The following PCDHGA10 variants were observed in gnomAD, a reference collection of about 807,000 sequenced individuals.
PCDHGA10 encodes the protein protocadherin gamma-A10.
A neutral mutation model predicts 59.5 loss-of-function variants in PCDHGA10; 42 were observed. The ratio of observed to expected loss-of-function variants is 0.71; its 90% CI spans 0.55 to 0.91. The LOEUF (loss-of-function observed/expected upper bound fraction) is 0.91. Among genes scored for constraint, PCDHGA10 ranks in the 40% least tolerant of loss-of-function variants. The probability of loss-of-function intolerance (pLI) is 0.00; values close to 1 mark genes in which losing one functional copy is unlikely to be tolerated. For synonymous variants in PCDHGA10, 511 were observed against 517.2 expected (o/e 0.99, Z 0.16); for missense variants, 1,111 against 1,198.2 (o/e 0.93, Z 1.07).
In PCDHGA10 at chr5:141,415,432, T is replaced by G; in HGVS notation, c.2257T>G (p.Phe753Val). Residue 753 changes from phenylalanine (F) to valine (V), a missense_variant, in exon 1 of 4, where the codon TTC becomes GTC. Transcript: ENST00000398610. ...HFVGVDGVRA[F>V]LQTYSHEVSL... ...TGTGGGCGTGGACGGGGTTCGGGCT[T>G]TCCTGCAGACCTATTCCCACGAGGT... 1 of 1,614,222 alleles carries G rather than the reference T, an allele frequency of 6.2e-7. No homozygotes were observed. Among genetic ancestry groups the G allele is most frequent in the East Asian group, 2.2e-5 (1 of 44,878 alleles).
intron 1 of PCDHGA10, among the ~76,000 whole-genome samples, chr5:141,455,138 T>C (rs1393664563): frequency 6.6e-6 from 1 of 151,028 alleles, no homozygotes; most frequent in Non-Finnish European, 1.5e-5. Context: ...TTACACTGTG[T>C]TAAATAAATA....
chr5:141,486,452 G>T lies in PCDHGA10; in HGVS notation c.2437-8355G>T. 6.2e-7 allele frequency: 1 copy of T among 1,614,152 alleles called. No homozygotes were observed. Among genetic ancestry groups the T allele is most frequent in the Non-Finnish European group, 8.5e-7 (1 of 1,179,996 alleles). Reference sequence around the variant, plus strand: ...ATCTAGCTATGACATCATGGTCACTGCTTCTGATGCTGGGAACCCTCCTCT... The same window carrying T: ...ATCTAGCTATGACATCATGGTCACTTCTTCTGATGCTGGGAACCCTCCTCT... On this transcript the variant is annotated intron_variant, in intron 1 of 3. Coordinates refer to ENST00000398610, the MANE Select transcript of PCDHGA10 (RefSeq NM_018913.3). This position sits in a 1 kb window ranked among gnomAD's most constrained non-coding sequence, Gnocchi z 5.0.
chr5:141,511,077 T>C lies in PCDHGA10; in HGVS notation c.2715T>C (p.Asn905=), dbSNP rs1279500774. ...YRQNVYIPGS[N]ATLTNAAGKR... is the part of the protein sequence containing the mutation. ...AGAATGTCTACATCCCAGGCAGCAA[T>C]GCCACACTGACCAACGCAGCTGGCA... is the stretch of plus-strand genomic sequence containing the variant. Residue 905 remains asparagine, a synonymous_variant, in exon 4 of 4, where the codon AAT becomes AAC. Transcript: ENST00000398610. 5 of 1,614,062 alleles carry C rather than the reference T, an allele frequency of 3.1e-6. No individual in the cohort carries two copies. The African/African-American group carries it at 6.7e-5, about 22-fold the overall frequency.
At chr5:141,446,202 G>T (rs780900822) in intron 1 of PCDHGA10, among the ~76,000 whole-genome samples, 13 of 152,094 alleles carry the variant, frequency 8.5e-5, no homozygotes, top group Non-Finnish European at 1.8e-4. Context: ...ATATTCCTAG[G>T]TGTCTGAAAA....
chr5:141,473,776 T>C (rs1026169931), intron 1 of PCDHGA10, among the ~76,000 whole-genome samples: 1 of 152,214 alleles, frequency 6.6e-6, no homozygotes, highest in Non-Finnish European at 1.5e-5. Context: ...TTTGGTATTT[T>C]AATTCAAGAG....
chr5:141,434,261 G>A (rs1269166732), intron 1 of PCDHGA10, among the ~76,000 whole-genome samples: 2 of 152,194 alleles, frequency 1.3e-5, no homozygotes. Context: ...TTGTGGGGGA[G>A]GTGGAAATTA....
intron 1 of PCDHGA10, chr5:141,428,308 G>A (rs2097132099): frequency 1.5e-6 from 1 of 685,734 alleles, no homozygotes; most frequent in Non-Finnish European, 2.6e-6. Context: ...TTACCTGGTC[G>A]TGGCCTTGGC....
intron 1 of PCDHGA10, among the ~76,000 whole-genome samples, chr5:141,446,338 G>T (rs964323259): frequency 6.6e-6 from 1 of 152,128 alleles, no homozygotes; most frequent in African/African-American, 2.4e-5. Flanking sequence ...GGAACTGGAT[G>T]GACAAAGCTA....
chr5:141,487,258 G>A lies in PCDHGA10; in HGVS notation c.2437-7549G>A, dbSNP rs368598017. The A allele has an allele frequency of 3.7e-6, 6 of 1,614,026 alleles. No homozygotes were observed. Among genetic ancestry groups the A allele is most frequent in the Non-Finnish European group, 4.2e-6 (5 of 1,180,030 alleles). On this transcript the variant is annotated intron_variant, in intron 1 of 3. Transcript: ENST00000398610. The surrounding 1 kb of genome is among the most constrained non-coding windows in gnomAD (Gnocchi z 5.0). ...CTCGTCTAACCCTCTACTTGGCTGT[G>A]TCCCTAGTGGCAATTTGCTTTGTCT...
At position 141,432,587 on chromosome 5, in the gene PCDHGA10, A is replaced by G. The variant is rs1344597432; in HGVS notation, c.2436+16976A>G. 5 of 1,613,132 alleles carry G rather than the reference A, an allele frequency of 3.1e-6. No homozygotes were observed. In the East Asian group the frequency reaches 8.9e-5, roughly 29 times the overall value. ...CGCCTGGCTGTCCTACCGTCTGCTC[A>G]AGGCCAGCGAGCCGGGACTCTTCTC... On this transcript the variant is annotated intron_variant, in intron 1 of 3. Transcript: ENST00000398610. This position sits in a 1 kb window ranked among gnomAD's most constrained non-coding sequence, Gnocchi z 6.0.
chr5:141,460,454 T>A (rs1010186960), intron 1 of PCDHGA10, among the ~76,000 whole-genome samples: 6 of 152,194 alleles, frequency 3.9e-5, no homozygotes, highest in Admixed American at 3.3e-4. Flanking sequence ...TGAAGATTCA[T>A]ATTTTTTTCC....
chr5:141,495,069 T>G (rs1179878936), intron 2 of PCDHGA10, among the ~76,000 whole-genome samples: 1 of 152,142 alleles, frequency 6.6e-6, no homozygotes, highest in African/African-American at 2.4e-5. Flanking sequence ...GGAAGCTCAA[T>G]TCACATGCTT....
At chr5:141,469,948 T>C (rs1258593339) in intron 1 of PCDHGA10, among the ~76,000 whole-genome samples, 2 of 152,110 alleles carry the variant, frequency 1.3e-5, no homozygotes, top group Admixed American at 1.3e-4. Flanking sequence ...CTGGCCAGCA[T>C]GGTGAAACCC....
chr5:141,415,589 T>C lies in PCDHGA10; in HGVS notation c.2414T>C (p.Ile805Thr). The C allele has an allele frequency of 1.2e-6, 2 of 1,614,062 alleles. No individual in the cohort carries two copies. The highest frequency in any genetic ancestry group is 1.7e-6 in the Non-Finnish European group (2 of 1,180,014). ...LSLLDDSKFP[I>T]EDTPLVPQAP... Reference sequence around the variant, plus strand: ...TTGTTAGATGATTCGAAGTTTCCTATAGAGGATACCCCATTGGTTCCAGTG... The same window carrying C: ...TTGTTAGATGATTCGAAGTTTCCTACAGAGGATACCCCATTGGTTCCAGTG... The change falls in exon 1 of 4, where the codon ATA (isoleucine) becomes ACA (threonine). Residue 805 changes from isoleucine to threonine, a missense_variant. Physicochemically the swap from Ile to Thr is moderately conservative, Grantham distance 89. Transcript: ENST00000398610.
chr5:141,453,341 C>T (rs1327119655), intron 1 of PCDHGA10, among the ~76,000 whole-genome samples: 2 of 151,822 alleles, frequency 1.3e-5, no homozygotes, highest in East Asian at 3.9e-4. Context: ...CTATGTTTCC[C>T]CAGGCTGACC....
chr5:141,422,158 G>GA (rs1401712595), intron 1 of PCDHGA10: 2 of 1,571,916 alleles, frequency 1.3e-6, no homozygotes, highest in Middle Eastern at 1.7e-4. Flanking sequence ...TCTGGATTTT[G>GA]AAAAATATAG....
Position 141,431,303 on chromosome 5 carries a change from G to A in PCDHGA10, c.2436+15692G>A, listed in dbSNP as rs777784010. 2 of 1,613,942 alleles carry A rather than the reference G, an allele frequency of 1.2e-6. No homozygotes were observed. The highest frequency in any genetic ancestry group is 2.7e-5 in the African/African-American group (2 of 74,916). ...CCCGAACACTCACTTCTCCCTCATC[G>A]TGCAAAATGGAGCCGACGGTAGTAA... On this transcript the variant is annotated intron_variant, in intron 1 of 3. Transcript: ENST00000398610. The surrounding 1 kb of genome is among the most constrained non-coding windows in gnomAD (Gnocchi z 4.8).
intron 3 of PCDHGA10, among the ~76,000 whole-genome samples, chr5:141,507,625 G>C (rs2099862215): frequency 6.6e-6 from 1 of 152,256 alleles, no homozygotes; most frequent in Non-Finnish European, 1.5e-5. Context: ...AGCTGTTGTG[G>C]CCTTGCGCCC....
intron 1 of PCDHGA10, chr5:141,422,014 C>A: frequency 6.2e-7 from 1 of 1,610,158 alleles, no homozygotes; most frequent in Non-Finnish European, 8.5e-7. Flanking sequence ...AACTCGGGTG[C>A]TGATGGTTAA....
Sources: gnomAD v4.1 joint callset for allele counts (sites outside exome capture counted in the v4.1 genomes callset) on GRCh38, gnomAD v4.1.1 for gene constraint, Gnocchi (gnomAD v3.1) non-coding constraint, MANE v1.5 for transcripts, NCBI Gene and HGNC (gene_info 2026-07-23, HGNC 2026-07-21) for gene names.